PTPRM: variants seen among roughly 807,000 people sequenced by gnomAD.
The protein encoded by PTPRM is receptor-type tyrosine-protein phosphatase mu.
Under a neutral mutation model 186.7 loss-of-function variants are expected in PTPRM, and 47 were observed. That is an observed-to-expected ratio of 0.25 (90% confidence interval 0.20 to 0.32). The LOEUF (loss-of-function observed/expected upper bound fraction) is 0.32, where lower values mean the gene tolerates loss of function less well. Ranked by LOEUF, PTPRM falls within the 10% of genes least tolerant of loss-of-function variation. PTPRM has a pLI of 1.00. For missense variants in PTPRM, 1,494 were observed against 1,865.0 expected, an observed-to-expected ratio of 0.80 and a Z score of 3.66; for synonymous variants, 668 against 674.9, an observed-to-expected ratio of 0.99 and a Z score of 0.16.
At chr18:8,060,348 TTTTC>T (rs1453312599) in intron 7 of PTPRM, among the ~76,000 whole-genome samples, 1 of 81,538 alleles carries the variant, frequency 1.2e-5, no homozygotes, top group Non-Finnish European at 2.5e-5. Context: ...TCCTCTCTTT[TTTTC>T]TTTATTAGTC....
chr18:8,179,625 A>T (rs2093544365), intron 14 of PTPRM, among the ~76,000 whole-genome samples: 1 of 151,954 alleles, frequency 6.6e-6, no homozygotes, highest in African/African-American at 2.4e-5. Flanking sequence ...ATGAGCCACC[A>T]CACCCAGCTA....
intron 19 of PTPRM, among the ~76,000 whole-genome samples, chr18:8,274,247 A>C (rs1156880090): frequency 6.6e-6 from 1 of 152,182 alleles, no homozygotes; most frequent in African/African-American, 2.4e-5. Context: ...TTGACCCCTT[A>C]GCCATTTTAA....
intron 19 of PTPRM, among the ~76,000 whole-genome samples, chr18:8,255,908 G>A (rs879810660): frequency 3.4e-4 from 52 of 152,156 alleles, no homozygotes; most frequent in Admixed American, 1.5e-3. Context: ...CGTGTGTCAT[G>A]GAATGACATG....
intron 14 of PTPRM, among the ~76,000 whole-genome samples, chr18:8,237,749 A>T (rs895491674): frequency 1.3e-5 from 2 of 152,110 alleles, no homozygotes; most frequent in African/African-American, 4.8e-5. Flanking sequence ...CCTGGCCCAG[A>T]TTCCCTCAAT....
At chr18:7,842,839 T>TAGAGAG (rs1336393443) in intron 2 of PTPRM, among the ~76,000 whole-genome samples, 37 of 85,272 alleles carry the variant, frequency 4.3e-4, no homozygotes, top group South Asian at 1.7e-3. Context: ...TATATATATA[T>TAGAGAG]ATAGAGAGAG....
At chr18:8,007,620 G>A (rs1256880955) in intron 7 of PTPRM, among the ~76,000 whole-genome samples, 2 of 152,082 alleles carry the variant, frequency 1.3e-5, no homozygotes, top group African/African-American at 4.8e-5. Flanking sequence ...TGTTCATCCC[G>A]ATCTAACAAG....
intron 23 of PTPRM, among the ~76,000 whole-genome samples, chr18:8,358,749 G>A (rs974099536): frequency 6.6e-6 from 1 of 152,180 alleles, no homozygotes; most frequent in African/African-American, 2.4e-5. Flanking sequence ...CAGACCATAG[G>A]CTTCTGTGAG....
In PTPRM at chr18:8,024,379, C is replaced by T. The variant is rs542895789; in HGVS notation, c.1133-45307C>T. 1.3e-3 allele frequency among the ~76,000 whole-genome samples: 197 copies of T among 152,264 alleles called. 1 individual carries two copies. The highest frequency in any genetic ancestry group is 4.6e-3 in the African/African-American group (193 of 41,554). ...TTCACAGTTTTGGCTGTCATTCTTACTGCCCCATGGCTGTGGGTGTTTCTG... is the reference window on the plus strand; with the variant it reads ...TTCACAGTTTTGGCTGTCATTCTTATTGCCCCATGGCTGTGGGTGTTTCTG... On this transcript the variant is annotated intron_variant, in intron 7 of 32. Transcript: ENST00000580170.
intron 1 of PTPRM, among the ~76,000 whole-genome samples, chr18:7,597,914 A>G (rs1418324075): frequency 6.6e-6 from 1 of 152,220 alleles, no homozygotes; most frequent in Non-Finnish European, 1.5e-5. Flanking sequence ...ATTCAGGGTC[A>G]TCTGTCAGGC....
chr18:7,750,848 A>C (rs1263037830), intron 1 of PTPRM, among the ~76,000 whole-genome samples: 3 of 151,944 alleles, frequency 2.0e-5, no homozygotes, highest in Non-Finnish European at 4.4e-5. Context: ...GTTGAGCATC[A>C]AAGGCCAAAA....
At chr18:8,188,868 T>C (rs2093674836) in intron 14 of PTPRM, among the ~76,000 whole-genome samples, 1 of 152,238 alleles carries the variant, frequency 6.6e-6, no homozygotes, top group African/African-American at 2.4e-5. Context: ...AAAAGCATGT[T>C]ATTTGAAATT....
intron 13 of PTPRM, among the ~76,000 whole-genome samples, chr18:8,131,631 CAA>C (rs1161312111): frequency 3.9e-5 from 6 of 152,124 alleles, no homozygotes; most frequent in Non-Finnish European, 5.9e-5. Flanking sequence ...CATCAGTTCT[CAA>C]GAGAGCATGA....
intron 7 of PTPRM, among the ~76,000 whole-genome samples, chr18:8,034,987 C>T (rs1264180524): frequency 6.6e-6 from 1 of 152,184 alleles, no homozygotes; most frequent in East Asian, 1.9e-4. Flanking sequence ...CTTCTGCTGA[C>T]ATGGCTGATT....
At chr18:8,077,922 C>A (rs555194151) in intron 9 of PTPRM, among the ~76,000 whole-genome samples, 14 of 152,062 alleles carry the variant, frequency 9.2e-5, no homozygotes, top group South Asian at 8.3e-4. Flanking sequence ...AATAATAATT[C>A]AAAGGAAAAA....
chr18:8,366,700 C>T (rs1384494728), intron 23 of PTPRM, among the ~76,000 whole-genome samples: 1 of 152,228 alleles, frequency 6.6e-6, no homozygotes, highest in East Asian at 1.9e-4. Context: ...AGGGACCACA[C>T]ATCTATTCCT....
intron 1 of PTPRM, among the ~76,000 whole-genome samples, chr18:7,593,563 C>G (rs548718069): frequency 2.0e-5 from 3 of 152,264 alleles, no homozygotes; most frequent in African/African-American, 7.2e-5. Flanking sequence ...GGAGCTTCCC[C>G]CATGTACATG....
intron 2 of PTPRM, among the ~76,000 whole-genome samples, chr18:7,881,349 C>T (rs1403240520): frequency 6.6e-6 from 1 of 152,156 alleles, no homozygotes; most frequent in African/African-American, 2.4e-5. Context: ...GCATGAGAAT[C>T]ACTTGAACCC....
chr18:7,936,738 G>A (rs1210877839), intron 5 of PTPRM, among the ~76,000 whole-genome samples: 5 of 152,162 alleles, frequency 3.3e-5, no homozygotes, highest in Non-Finnish European at 7.4e-5. Context: ...TTCGGGAGTG[G>A]GAAATTATCG....
At chr18:7,925,185 C>T (rs968555896) in intron 4 of PTPRM, among the ~76,000 whole-genome samples, 4 of 152,146 alleles carry the variant, frequency 2.6e-5, no homozygotes, top group Non-Finnish European at 5.9e-5. Context: ...TTTAAAAACA[C>T]ATAATTATGT....
Sources: gnomAD v4.1 joint callset for allele counts (sites outside exome capture counted in the v4.1 genomes callset) on GRCh38, gnomAD v4.1.1 for gene constraint, MANE v1.5 for transcripts, NCBI Gene and HGNC (gene_info 2026-07-23, HGNC 2026-07-21) for gene names.